Variants in RGS3 observed in about 807,000 individuals in gnomAD.
RGS3 encodes regulator of G-protein signalling 3.
In RGS3, 80 loss-of-function variants were observed where a neutral mutation model predicts 132.6. The ratio of observed to expected loss-of-function variants is 0.60; its 90% CI spans 0.50 to 0.73. RGS3 has a LOEUF of 0.73. Ranked by LOEUF, RGS3 falls within the 30% of genes least tolerant of loss-of-function variation. The probability of loss-of-function intolerance (pLI) is 0.00; values close to 1 mark genes in which losing one functional copy is unlikely to be tolerated. For missense variants in RGS3, 1,382 were observed against 1,530.8 expected, an observed-to-expected ratio of 0.90 and a Z score of 1.62; for synonymous variants, 598 against 620.6, an observed-to-expected ratio of 0.96 and a Z score of 0.54.
At chr9:113,460,205 C>T (rs1829443320), upstream of RGS3, 1 of 1,227,416 alleles carries the variant, frequency 8.1e-7, no homozygotes, top group South Asian at 1.3e-5. Flanking sequence ...ATAAATTTCA[C>T]CTTTAACCTT....
rs924458748 is a variant in RGS3 at position 113,507,524 on chromosome 9, C to T, written c.1323C>T (p.Arg441=). The T allele has an allele frequency of 6.2e-7, 1 of 1,607,296 alleles. No individual in the cohort carries two copies. ...GGCTGCTGCTCGGCGGCTGGGAGCG[C>T]TACACCGAGGTGGCCAAGCGCGGGG... is the stretch of plus-strand genomic sequence containing the variant. Residue 441 remains arginine, a synonymous_variant, in exon 13 of 25, where the codon CGC becomes CGT. Transcript: ENST00000350696. The surrounding 1 kb of genome is among the most constrained non-coding windows in gnomAD (Gnocchi z 5.0).
chr9:113,596,853 G>A (rs1282914425), exon 25 of RGS3: 6 of 1,613,686 alleles, frequency 3.7e-6, no homozygotes, highest in Admixed American at 1.7e-5. Context: ...GCACAGAAGC[G>A]CATCTTCGGG....
intron 1 of RGS3, among the ~76,000 whole-genome samples, chr9:113,449,464 G>A (rs1483180532): frequency 1.3e-5 from 2 of 152,312 alleles, no homozygotes; most frequent in Middle Eastern, 3.4e-3. Context: ...TTCCGTCAAT[G>A]TGTGGGGTTA....
rs1831749565 is a variant in RGS3 at position 113,517,722 on chromosome 9, A to G, written c.1758+98A>G. 11 of 894,068 alleles carry G rather than the reference A, an allele frequency of 1.2e-5. No homozygotes were observed. The East Asian group carries it at 2.7e-4, about 22-fold the overall frequency. The allele number at this position is 894,068 out of a possible 1,614,324, so 55.4% of individuals were successfully genotyped here. ...TTGGTCTCTTCCTGAGTATCTTAGA[A>G]TTGTACATTCTCAGGGTAGGGGAGA... On this transcript the variant is annotated intron_variant, in intron 16 of 24. Transcript: ENST00000350696.
intron 19 of RGS3, among the ~76,000 whole-genome samples, chr9:113,555,328 G>C (rs1775310683): frequency 6.6e-6 from 1 of 152,086 alleles, no homozygotes; most frequent in African/African-American, 2.4e-5. Flanking sequence ...TTCAACATCA[G>C]GAATGACACC....
intron 3 of RGS3, among the ~76,000 whole-genome samples, chr9:113,468,683 A>T (rs916507445): frequency 3.3e-5 from 5 of 152,182 alleles, no homozygotes; most frequent in Non-Finnish European, 5.9e-5. Context: ...GCAAATTATT[A>T]ATTTACCTGG....
intron 20 of RGS3, among the ~76,000 whole-genome samples, chr9:113,589,669 C>A (rs1835314105): frequency 6.6e-6 from 1 of 152,170 alleles, no homozygotes. Flanking sequence ...CCTTGCCAGG[C>A]CAGCATGAGT....
At chr9:113,458,332 G>A (rs1829405135), upstream of RGS3, among the ~76,000 whole-genome samples, 1 of 152,206 alleles carries the variant, frequency 6.6e-6, no homozygotes, top group African/African-American at 2.4e-5. Flanking sequence ...TAGCTCACCT[G>A]TTGTACAAAA....
rs148493218 is a variant in RGS3, at chr9:113,558,359, C to T, written c.2037+21441C>T. Among the ~76,000 whole-genome samples, 347 of 152,162 alleles carry T rather than the reference C, an allele frequency of 2.3e-3. 1 individual carries two copies. Among genetic ancestry groups the T allele is most frequent in the Middle Eastern group, 0.014 (4 of 294 alleles). On this transcript the variant is annotated intron_variant, in intron 19 of 24. Transcript: ENST00000350696. ...TCTACTAAAAATACAAAAAATTAGC[C>T]GGACGTGGTGGTGGGCGCCTGTAAT... is the stretch of plus-strand genomic sequence containing the variant.
intron 19 of RGS3, among the ~76,000 whole-genome samples, chr9:113,561,323 C>G (rs1833770947): frequency 1.3e-5 from 2 of 151,672 alleles, no homozygotes; most frequent in Non-Finnish European, 2.9e-5. Context: ...CTGTGCCTGG[C>G]CTCTTCTCTT....
chr9:113,517,279 C>T (rs1243366523), intron 15 of RGS3: 3 of 612,946 alleles, frequency 4.9e-6, no homozygotes, highest in Middle Eastern at 2.5e-4. Flanking sequence ...TGTGGTTAGA[C>T]TTCCTGTCAA....
chr9:113,456,269 T>G (rs950240902), upstream of RGS3, among the ~76,000 whole-genome samples: 1 of 152,226 alleles, frequency 6.6e-6, no homozygotes, highest in African/African-American at 2.4e-5. Context: ...TCTATATTTC[T>G]AGCCTAAGTA....
chr9:113,548,986 T>C (rs1833224146), intron 19 of RGS3, among the ~76,000 whole-genome samples: 1 of 152,202 alleles, frequency 6.6e-6, no homozygotes, highest in Non-Finnish European at 1.5e-5. Flanking sequence ...CTCCTCTTGC[T>C]GGTGTCCCCT....
At chr9:113,516,382 A>T in intron 15 of RGS3, among the ~76,000 whole-genome samples, 1 of 145,704 alleles carries the variant, frequency 6.9e-6, no homozygotes, top group South Asian at 2.2e-4. Flanking sequence ...TTTGAGATGG[A>T]GTTTCACTCT....
exon 6 of RGS3, chr9:113,484,191 T>C: frequency 5.6e-6 from 9 of 1,613,358 alleles, no homozygotes; most frequent in Non-Finnish European, 7.6e-6. Context: ...CGCAGACCGT[T>C]CCAGACTGCA....
rs1025546094 is a variant in RGS3, at chr9:113,594,796, G to A, written c.3183-123G>A. 333 of 924,652 alleles carry A rather than the reference G, an allele frequency of 3.6e-4. 1 individual carries two copies. Among genetic ancestry groups the A allele is most frequent in the Middle Eastern group, 2.9e-3 (11 of 3,824 alleles). 57.3% of individuals were successfully genotyped at this position (924,652 alleles called of 1,614,324 possible). ...AAGAGGGTGGGCCTCCTTCCTGGGC[G>A]CCCCAGCTGGGCTCAGCTGCAGACT... On this transcript the variant is annotated intron_variant, in intron 22 of 24. Transcript: ENST00000350696.
intron 7 of RGS3, among the ~76,000 whole-genome samples, chr9:113,488,618 A>G (rs1830410450): frequency 6.6e-6 from 1 of 152,198 alleles, no homozygotes; most frequent in Admixed American, 6.5e-5. Context: ...CTTTTGGAAA[A>G]GAAAATGAGG....
At chr9:113,447,039 A>G (rs1829116068) in intron 1 of RGS3, among the ~76,000 whole-genome samples, 1 of 151,872 alleles carries the variant, frequency 6.6e-6, no homozygotes, top group African/African-American at 2.4e-5. Context: ...AGGTGGGTGG[A>G]TCACGAGGTC....
intron 14 of RGS3, among the ~76,000 whole-genome samples, chr9:113,512,661 C>T (rs536925840): frequency 5.7e-4 from 87 of 152,260 alleles, no homozygotes; most frequent in Middle Eastern, 6.8e-3. Flanking sequence ...ACCTGTTCCC[C>T]CCTCGCTGCC....
Sources: allele counts gnomAD v4.1 joint callset (sites outside exome capture counted in the v4.1 genomes callset), GRCh38; gene constraint gnomAD v4.1.1; non-coding constraint Gnocchi (gnomAD v3.1); transcripts MANE v1.5; gene names NCBI Gene and HGNC (gene_info 2026-07-23, HGNC 2026-07-21).